Variants in KCNH1 observed in about 807,000 individuals in gnomAD.
KCNH1 encodes potassium voltage-gated channel subfamily H member 1.
KCNH1 carries 27 observed loss-of-function variants against 69.2 expected under a neutral mutation model. That is an observed-to-expected ratio of 0.39 (90% CI 0.29 to 0.54). The LOEUF is 0.54. Ranked by LOEUF, KCNH1 falls within the 20% of genes least tolerant of loss-of-function variation. The pLI, the probability that KCNH1 is intolerant of heterozygous loss-of-function variation, is 0.68. For synonymous variants in KCNH1, 456 were observed against 487.7 expected, an observed-to-expected ratio of 0.93 and a Z score of 0.86; for missense variants, 798 against 1,261.6, an observed-to-expected ratio of 0.63 and a Z score of 5.57.
At chr1:210,815,340 A>T (rs1684790812) in intron 7 of KCNH1, among the ~76,000 whole-genome samples, 1 of 152,176 alleles carries the variant, frequency 6.6e-6, no homozygotes. Flanking sequence ...TTGAGAATGC[A>T]TAAGGAGACT....
At chr1:211,113,106 CATGAATCTTTGTGAAGAATT>C (rs1394052484) in intron 1 of KCNH1, among the ~76,000 whole-genome samples, 1 of 152,072 alleles carries the variant, frequency 6.6e-6, no homozygotes, top group Admixed American at 6.5e-5. Flanking sequence ...TCAACCTTTA[CATGAATCTTTGTGAAGAATT>C]ATTACTTTAC....
In KCNH1 at chr1:211,026,345, C is replaced by A. The variant is rs570706546; in HGVS notation, c.559-7089G>T. Among the ~76,000 whole-genome samples the A allele has an allele frequency of 1.5e-4, 22 of 144,134 alleles. 1 individual carries two copies. The South Asian group carries it at 4.4e-3, about 29-fold the overall frequency. The allele number at this position is 144,134 out of a possible 152,430, so 94.6% of individuals were successfully genotyped here. A position where few individuals can be genotyped will look rare whatever the true frequency, so the allele number is the denominator to read the frequency against. Reference sequence around the variant, plus strand: ...TGTTCCTGACTTGGAGCTGAAGAAGCCAGCAACCTGGAAACTCCAAGGAGT... The same window carrying A: ...TGTTCCTGACTTGGAGCTGAAGAAGACAGCAACCTGGAAACTCCAAGGAGT... On this transcript the variant is annotated intron_variant, in intron 5 of 10. Transcript: ENST00000271751.
At position 210,795,835 on chromosome 1, in the gene KCNH1, A is replaced by G. The variant is rs116028216; in HGVS notation, c.1915+1673T>C. 5.3e-3 allele frequency among the ~76,000 whole-genome samples: 803 copies of G among 152,180 alleles called. 5 individuals carry two copies. The highest frequency in any genetic ancestry group is 0.018 in the African/African-American group (754 of 41,522). On this transcript the variant is annotated intron_variant, in intron 9 of 10. Transcript: ENST00000271751. ...GGGCTAGCATACTACGTTAATTATCATCAGAGGCTGGGTGTGGTGGCTCAT... is the reference window on the plus strand; with the variant it reads ...GGGCTAGCATACTACGTTAATTATCGTCAGAGGCTGGGTGTGGTGGCTCAT...
intron 5 of KCNH1, among the ~76,000 whole-genome samples, chr1:211,026,239 C>T (rs969152371): frequency 1.3e-5 from 2 of 152,094 alleles, no homozygotes; most frequent in Non-Finnish European, 2.9e-5. Context: ...TATAAGATGA[C>T]TCTGAAAGGT....
At chr1:211,035,491 G>A (rs964866287) in intron 5 of KCNH1, among the ~76,000 whole-genome samples, 10 of 151,326 alleles carry the variant, frequency 6.6e-5, no homozygotes, top group African/African-American at 2.4e-4. Context: ...CTCGTGATCC[G>A]CCCGCCTCGG....
At chr1:211,001,586 C>T (rs556550802) in intron 6 of KCNH1, among the ~76,000 whole-genome samples, 9 of 152,240 alleles carry the variant, frequency 5.9e-5, no homozygotes, top group African/African-American at 2.2e-4. Flanking sequence ...CTAGTTCAAC[C>T]ATTGTGGAAG....
chr1:210,961,563 G>A (rs887903019), intron 6 of KCNH1, among the ~76,000 whole-genome samples: 24 of 152,008 alleles, frequency 1.6e-4, no homozygotes, highest in African/African-American at 4.1e-4. Context: ...TATAGAGCCC[G>A]GGCACAGTGG....
Position 210,865,785 on chromosome 1 carries a change from C to T in KCNH1, c.1462+53855G>A, listed in dbSNP as rs145294453. ...TTTTTCAAACTGGAATAAGGCCTCT[C>T]TCTTACTTTTCCCCCAACTCTTTAA... On this transcript the variant is annotated intron_variant, in intron 7 of 10. Coordinates refer to ENST00000271751, the MANE Select transcript of KCNH1 (RefSeq NM_172362.3). Among the ~76,000 whole-genome samples, 11 of 152,226 alleles carry T rather than the reference C, an allele frequency of 7.2e-5. No homozygotes were observed. In the East Asian group the frequency reaches 1.2e-3, roughly 16 times the overall value.
intron 5 of KCNH1, among the ~76,000 whole-genome samples, chr1:211,036,250 G>T (rs1689894705): frequency 6.6e-6 from 1 of 152,148 alleles, no homozygotes; most frequent in African/African-American, 2.4e-5. Context: ...ATCATGATGG[G>T]TGAGAGGTCT....
intron 5 of KCNH1, among the ~76,000 whole-genome samples, chr1:211,027,972 A>G (rs928207691): frequency 6.6e-6 from 1 of 152,220 alleles, no homozygotes; most frequent in Non-Finnish European, 1.5e-5. Flanking sequence ...ACTCAACAAT[A>G]GCATCAAACA....
In KCNH1 at chr1:211,090,315, A is replaced by G. The variant is rs75553368; in HGVS notation, c.439+247T>C. ...AACTGTCTTCTTCTGCCTAACTAATATCAGAAAGGGTTAATTATTAAAGGT... is the reference window on the plus strand; with the variant it reads ...AACTGTCTTCTTCTGCCTAACTAATGTCAGAAAGGGTTAATTATTAAAGGT... On this transcript the variant is annotated intron_variant, in intron 4 of 10. Transcript: ENST00000271751. 0.023 allele frequency among the ~76,000 whole-genome samples: 3,466 copies of G among 152,334 alleles called. 128 individuals carry two copies. Among genetic ancestry groups the G allele is most frequent in the African/African-American group, 0.078 (3,251 of 41,562 alleles).
intron 7 of KCNH1, among the ~76,000 whole-genome samples, chr1:210,840,627 C>T (rs79071350): frequency 0.023 from 3,464 of 152,262 alleles, 133 homozygotes; most frequent in African/African-American, 0.08. Flanking sequence ...GAACACACTT[C>T]GAGCATTCTG....
At chr1:210,817,229 A>G (rs987017184) in intron 7 of KCNH1, among the ~76,000 whole-genome samples, 1 of 152,216 alleles carries the variant, frequency 6.6e-6, no homozygotes, top group Non-Finnish European at 1.5e-5. Context: ...TGAGCCTATC[A>G]TATCTGACAA....
chr1:211,015,838 T>A (rs1429237325), intron 6 of KCNH1, among the ~76,000 whole-genome samples: 2 of 152,160 alleles, frequency 1.3e-5, no homozygotes, highest in Admixed American at 1.3e-4. Context: ...CTCACACTGA[T>A]CTCCCTCCAA....
In KCNH1 at chr1:211,061,988, A is replaced by G. The variant is rs1175370377; in HGVS notation, c.558+20792T>C. On this transcript the variant is annotated intron_variant, in intron 5 of 10. Coordinates refer to ENST00000271751, the MANE Select transcript of KCNH1 (RefSeq NM_172362.3). The stretch of plus-strand genomic sequence containing the variant: ...AATCCTAAAATTTATATGGAGCAAC[A>G]GAAGACCCAGAATAGCCAAAGCTAT... 2.6e-5 allele frequency among the ~76,000 whole-genome samples: 4 copies of G among 152,332 alleles called. No individual in the cohort carries two copies. In the East Asian group the frequency reaches 5.8e-4, roughly 22 times the overall value.
chr1:210,918,595 T>C (rs1255126075), intron 7 of KCNH1, among the ~76,000 whole-genome samples: 1 of 152,194 alleles, frequency 6.6e-6, no homozygotes, highest in Non-Finnish European at 1.5e-5. Context: ...CAACAGTCAG[T>C]GGGTAAATCA....
chr1:211,054,780 G>A (rs142689708), intron 5 of KCNH1, among the ~76,000 whole-genome samples: 4,023 of 151,528 alleles, frequency 0.027, 94 homozygotes, highest in African/African-American at 0.055. Flanking sequence ...GTATACCTTT[G>A]AAACCAATAG....
chr1:210,851,694 C>G (rs1010100048), intron 7 of KCNH1, among the ~76,000 whole-genome samples: 3 of 152,176 alleles, frequency 2.0e-5, no homozygotes, highest in African/African-American at 7.2e-5. Context: ...TGTGGTATAG[C>G]CTGTTGCTCC....
chr1:211,087,164 G>T (rs1256350576), intron 4 of KCNH1, among the ~76,000 whole-genome samples: 1 of 152,158 alleles, frequency 6.6e-6, no homozygotes, highest in Non-Finnish European at 1.5e-5. Flanking sequence ...ACAACAGTTT[G>T]CCAGAGCCTT....
Sources: allele counts gnomAD v4.1 joint callset (sites outside exome capture counted in the v4.1 genomes callset), GRCh38; gene constraint gnomAD v4.1.1; transcripts MANE v1.5; gene names NCBI Gene and HGNC (gene_info 2026-07-23, HGNC 2026-07-21).